Variants in TPRG1 observed in about 807,000 individuals in gnomAD.
TPRG1 encodes tumor protein p63 regulated 1.
TPRG1 carries 29 observed loss-of-function variants against 29.3 expected under a neutral mutation model. The ratio of observed to expected loss-of-function variants is 0.99; its 90% confidence interval spans 0.74 to 1.35. The LOEUF (loss-of-function observed/expected upper bound fraction) is 1.35, where lower values mean the gene tolerates loss of function less well. Ranked by LOEUF, TPRG1 falls within the 40% of genes most tolerant of loss-of-function variation. The probability of loss-of-function intolerance (pLI) is 0.00; values close to 1 mark genes in which losing one functional copy is unlikely to be tolerated. For missense variants in TPRG1, 327 were observed against 335.0 expected, an observed-to-expected ratio of 0.98 and a Z score of 0.19; for synonymous variants, 130 against 116.8, an observed-to-expected ratio of 1.11 and a Z score of -0.73.
intron 3 of TPRG1, among the ~76,000 whole-genome samples, chr3:189,145,207 C>A (rs1725085768): frequency 6.6e-6 from 1 of 151,674 alleles, no homozygotes; most frequent in Admixed American, 6.6e-5. Context: ...ACTAAAAATA[C>A]AAAAATTAAC....
intron 5 of TPRG1, among the ~76,000 whole-genome samples, chr3:189,152,867 T>A (rs749165697): frequency 1.8e-4 from 23 of 127,314 alleles, no homozygotes; most frequent in East Asian, 1.3e-3. Flanking sequence ...GATTGCTACC[T>A]GCCATTATTA....
chr3:189,005,283 C>A (rs867017346), intron 3 of TPRG1, among the ~76,000 whole-genome samples: 1 of 152,058 alleles, frequency 6.6e-6, no homozygotes, highest in African/African-American at 2.4e-5. Context: ...ACCTCAGTGC[C>A]GAGTAAAGTG....
In TPRG1 at chr3:189,053,222, T is replaced by C. The variant is rs1715442987; in HGVS notation, c.-463+29276T>C. Among the ~76,000 whole-genome samples the C allele has an allele frequency of 2.0e-5, 3 of 152,228 alleles. No homozygotes were observed. In the South Asian group the frequency reaches 6.2e-4, roughly 32 times the overall value. On this transcript the variant is annotated intron_variant, in intron 4 of 10. Coordinates refer to the TPRG1 transcript ENST00000433971. ...GGAAGACAGCTTTTTTCTTTAAACC[T>C]CATGAACCAACTTATACTAGCTTCC... is the stretch of plus-strand genomic sequence containing the variant.
intron 4 of TPRG1, among the ~76,000 whole-genome samples, chr3:189,150,380 A>G (rs536087303): frequency 3.9e-5 from 6 of 152,162 alleles, no homozygotes; most frequent in African/African-American, 1.4e-4. Context: ...GCGGGGTTTT[A>G]CCATGTTGGT....
intron 1 of TPRG1, among the ~76,000 whole-genome samples, chr3:189,202,825 G>T (rs1334322860): frequency 1.3e-5 from 2 of 152,148 alleles, no homozygotes; most frequent in African/African-American, 4.8e-5. Flanking sequence ...CTGCTTCATG[G>T]AAGCCGTATC....
At chr3:189,235,319 T>C (rs1739296292) in intron 3 of TPRG1, among the ~76,000 whole-genome samples, 1 of 150,644 alleles carries the variant, frequency 6.6e-6, no homozygotes, top group African/African-American at 2.5e-5. Context: ...GGGTGACTAG[T>C]AACCCAAGCC....
chr3:189,098,585 T>G (rs1396643822), upstream of TPRG1, among the ~76,000 whole-genome samples: 2 of 151,146 alleles, frequency 1.3e-5, no homozygotes, highest in Non-Finnish European at 3.0e-5. Context: ...TGTTCAGAGG[T>G]TTTTTTTTCC....
chr3:189,155,490 A>G (rs1488666401), intron 5 of TPRG1, among the ~76,000 whole-genome samples: 3 of 152,090 alleles, frequency 2.0e-5, no homozygotes, highest in Non-Finnish European at 4.4e-5. Context: ...TGGTCCCTAT[A>G]TAAACATAAG....
chr3:189,149,712 G>A (rs1158910869), intron 4 of TPRG1, among the ~76,000 whole-genome samples: 1 of 152,102 alleles, frequency 6.6e-6, no homozygotes, highest in Non-Finnish European at 1.5e-5. Flanking sequence ...CTCTCTGCAT[G>A]GTGGGGTCAG....
intron 4 of TPRG1, among the ~76,000 whole-genome samples, chr3:189,087,639 A>G (rs1176987385): frequency 2.0e-5 from 3 of 152,224 alleles, no homozygotes; most frequent in Middle Eastern, 3.4e-3. Context: ...TATGGTTTTA[A>G]GTCTAACATT....
chr3:189,021,994 A>G (rs1713342998), intron 3 of TPRG1, among the ~76,000 whole-genome samples: 2 of 151,820 alleles, frequency 1.3e-5, no homozygotes, highest in South Asian at 4.1e-4. Flanking sequence ...ATCTTCCATT[A>G]CTGATACCCT....
chr3:189,033,510 G>A (rs1304523774), intron 4 of TPRG1, among the ~76,000 whole-genome samples: 7 of 151,794 alleles, frequency 4.6e-5, no homozygotes, highest in Non-Finnish European at 1.0e-4. Flanking sequence ...TTGAACACCT[G>A]AGCTCAAGTA....
intron 3 of TPRG1, among the ~76,000 whole-genome samples, chr3:189,216,973 G>T (rs947450873): frequency 1.3e-5 from 2 of 152,072 alleles, no homozygotes; most frequent in African/African-American, 4.8e-5. Flanking sequence ...ACACAAATGC[G>T]GTATTTCTAA....
intron 4 of TPRG1, among the ~76,000 whole-genome samples, chr3:189,039,036 C>T (rs1274662750): frequency 6.6e-6 from 1 of 152,230 alleles, no homozygotes; most frequent in Non-Finnish European, 1.5e-5. Context: ...ACTGGTGAGC[C>T]ATTCTGGAGG....
In TPRG1 at chr3:189,102,605, T is replaced by A. The variant is rs545835188; in HGVS notation, c.-744+2401T>A. Among the ~76,000 whole-genome samples the A allele has an allele frequency of 1.4e-4, 22 of 152,332 alleles. 1 individual carries two copies. In the South Asian group the frequency reaches 4.6e-3, roughly 32 times the overall value. ...CGTCTGAATAATTGCCATGTTTTCCTACCTGGAATCCCTCCCTGTTCCTAC... is the reference window on the plus strand; with the variant it reads ...CGTCTGAATAATTGCCATGTTTTCCAACCTGGAATCCCTCCCTGTTCCTAC... On this transcript the variant is annotated intron_variant, in intron 1 of 6. Coordinates refer to the TPRG1 transcript ENST00000412373.
chr3:189,004,505 G>A (rs1407563422), intron 2 of TPRG1: 1 of 152,110 alleles, frequency 6.6e-6, no homozygotes, highest in Non-Finnish European at 1.5e-5. Flanking sequence ...CTTCGTGTGT[G>A]GATAAAACTC....
intron 4 of TPRG1, among the ~76,000 whole-genome samples, chr3:189,073,659 T>C (rs1217125200): frequency 1.3e-5 from 2 of 152,206 alleles, no homozygotes; most frequent in Non-Finnish European, 2.9e-5. Context: ...GTCAAAACAT[T>C]ACAAAAACAA....
intron 3 of TPRG1, among the ~76,000 whole-genome samples, chr3:189,135,661 T>C (rs1267527973): frequency 6.6e-6 from 1 of 152,194 alleles, no homozygotes; most frequent in Non-Finnish European, 1.5e-5. Flanking sequence ...AGTCTGCATT[T>C]TACATTTCTA....
chr3:189,297,818 A>C (rs1576998765), intron 4 of TPRG1, among the ~76,000 whole-genome samples: 1 of 152,140 alleles, frequency 6.6e-6, no homozygotes, highest in East Asian at 1.9e-4. Flanking sequence ...CCAAGAACTG[A>C]CCATTTGGGA....
Sources: allele counts gnomAD v4.1 joint callset (sites outside exome capture counted in the v4.1 genomes callset), GRCh38; gene constraint gnomAD v4.1.1; transcripts MANE v1.5; gene names NCBI Gene and HGNC (gene_info 2026-07-23, HGNC 2026-07-21).